Variants in TRIM3 observed in about 807,000 individuals in gnomAD.
TRIM3 encodes the protein tripartite motif-containing protein 3.
In TRIM3, 13 loss-of-function variants were observed where a neutral mutation model predicts 66.6. The ratio of observed to expected loss-of-function variants is 0.20; its 90% CI spans 0.13 to 0.31. The LOEUF (loss-of-function observed/expected upper bound fraction) is 0.31. Among genes scored for constraint, TRIM3 ranks in the 10% least tolerant of loss-of-function variants. The pLI is 1.00. For synonymous variants in TRIM3, 406 were observed against 411.7 expected, an observed-to-expected ratio of 0.99 and a Z score of 0.17; for missense variants, 711 against 1,020.4, an observed-to-expected ratio of 0.70 and a Z score of 4.13.
At chr11:6,467,897 T>C (rs1184420751) in intron 1 of TRIM3, among the ~76,000 whole-genome samples, 1 of 152,202 alleles carries the variant, frequency 6.6e-6, no homozygotes, top group Non-Finnish European at 1.5e-5. Context: ...CAGAGTGGAA[T>C]CAGAGAAAAC....
At chr11:6,470,815 T>C (rs1850659846) in intron 1 of TRIM3, among the ~76,000 whole-genome samples, 1 of 151,920 alleles carries the variant, frequency 6.6e-6, no homozygotes, top group East Asian at 1.9e-4. Flanking sequence ...ATTTAAGAGA[T>C]AGGCCCAGGA....
chr11:6,462,259 A>G (rs908505861), intron 2 of TRIM3, among the ~76,000 whole-genome samples: 1 of 152,178 alleles, frequency 6.6e-6, no homozygotes, highest in Non-Finnish European at 1.5e-5. Flanking sequence ...GCTTACTGTC[A>G]GTCACTGCCC....
Position 6,450,277 on chromosome 11 carries a change from T to G in TRIM3, c.1941+274A>C, listed in dbSNP as rs924006389. 1.0e-5 allele frequency: 5 copies of G among 483,564 alleles called. No individual in the cohort carries two copies. The highest frequency in any genetic ancestry group is 1.9e-5 in the Non-Finnish European group (5 of 269,728). The allele number at this position is 483,564 out of a possible 1,614,324, so 30.0% of individuals were successfully genotyped here. A position where few individuals can be genotyped will look rare whatever the true frequency, so the allele number is the denominator to read the frequency against. Reference sequence around the variant, plus strand: ...TTCCCTGCACCTTCCTATCACAGAATCTATTACATCATATTGTAATTTTTT... The same window carrying G: ...TTCCCTGCACCTTCCTATCACAGAAGCTATTACATCATATTGTAATTTTTT... On this transcript the variant is annotated intron_variant, in intron 10 of 11. Coordinates refer to ENST00000345851, the MANE Select transcript of TRIM3 (RefSeq NM_033278.4). The surrounding 1 kb of genome is among the most constrained non-coding windows in gnomAD (Gnocchi z 4.8).
At chr11:6,470,791 C>A (rs1481082303) in intron 1 of TRIM3, among the ~76,000 whole-genome samples, 1 of 152,096 alleles carries the variant, frequency 6.6e-6, no homozygotes, top group East Asian at 1.9e-4. Context: ...CACCAAGTCC[C>A]AAGGAACCTC....
chr11:6,448,843 A>G lies in TRIM3; in HGVS notation c.*185T>C. The G allele has an allele frequency of 1.4e-6, 1 of 703,148 alleles. No individual in the cohort carries two copies. Among genetic ancestry groups the G allele is most frequent in the Non-Finnish European group, 2.4e-6 (1 of 416,366 alleles). 43.6% of individuals were successfully genotyped at this position (703,148 alleles called of 1,614,324 possible). On this transcript the variant is annotated 3_prime_UTR_variant, in exon 12 of 12. Coordinates refer to ENST00000345851, the MANE Select transcript of TRIM3 (RefSeq NM_033278.4). ...ACAGTCCAGGCTCACCCAGTCACCA[A>G]AGCAAGAACCGAATAAATAAAGTGC... is the stretch of plus-strand genomic sequence containing the variant.
chr11:6,457,389 G>A lies in TRIM3; in HGVS notation c.603C>T (p.Ile201=), dbSNP rs16913748. The change falls in exon 5 of 12, where the codon ATC becomes ATT. Residue 201 remains isoleucine, a synonymous_variant. Transcript: ENST00000345851. The surrounding 1 kb of genome is among the most constrained non-coding windows in gnomAD (Gnocchi z 4.5). Reference sequence around the variant, plus strand: ...GCTCCAGGTCCTCGAACGCTGCACTGATCTGGGCCAGGGCCTCTGCCTTGC... The same window carrying A: ...GCTCCAGGTCCTCGAACGCTGCACTAATCTGGGCCAGGGCCTCTGCCTTGC... ...QERKAEALAQ[I]SAAFEDLEQA... 311,659 of 1,613,888 alleles carry A rather than the reference G, an allele frequency of 0.19. 31,799 individuals carry two copies. The highest frequency in any genetic ancestry group is 0.28 in the African/African-American group (21,017 of 74,994).
In TRIM3 at chr11:6,456,472, G is replaced by C. The variant is rs1255737827; in HGVS notation, c.1254C>G (p.Ala418=). The C allele has an allele frequency of 6.5e-7, 1 of 1,548,944 alleles. No individual in the cohort carries two copies. The highest frequency in any genetic ancestry group is 8.7e-7 in the Non-Finnish European group (1 of 1,144,176). Residue 418 remains alanine (A), a synonymous_variant, in exon 6 of 12, where the codon GCC becomes GCG. Transcript: ENST00000345851. The surrounding 1 kb of genome is among the most constrained non-coding windows in gnomAD (Gnocchi z 6.4). ...PVRGSPFRVR[A]LRPGDLPPSP... ...AAGGTGGCAGGTCCCCCGGACGCAG[G>C]GCACGCACGCGGAAGGGGCTGCCGC...
chr11:6,457,011 C>T lies in TRIM3; in HGVS notation c.715G>A (p.Asp239Asn). The T allele has an allele frequency of 1.3e-6, 2 of 1,590,736 alleles. 1 individual carries two copies. Among genetic ancestry groups the T allele is most frequent in the South Asian group, 2.2e-5 (2 of 90,626 alleles). Residue 239 changes from aspartate to asparagine, a missense_variant, in exon 6 of 12, where the codon GAC becomes AAC. This residue lies in a region of TRIM3 where 399 missense variants were observed against 458.1 expected (regional missense o/e 0.87). Coordinates refer to ENST00000345851, the MANE Select transcript of TRIM3 (RefSeq NM_033278.4). The surrounding 1 kb of genome is among the most constrained non-coding windows in gnomAD (Gnocchi z 4.5). ...AKQKVLQSQLDTLRQGQEHIG... is the reference protein window; with the variant it reads ...AKQKVLQSQLNTLRQGQEHIG... ...TGTTCCTGACCCTGGCGCAGTGTGT[C>T]CAGCTGGCTTTGCAACACCTGATGA...
chr11:6,450,813 G>C lies in TRIM3; in HGVS notation c.1870+79C>G. On this transcript the variant is annotated intron_variant, in intron 9 of 11. Coordinates refer to ENST00000345851, the MANE Select transcript of TRIM3 (RefSeq NM_033278.4). The surrounding 1 kb of genome is among the most constrained non-coding windows in gnomAD (Gnocchi z 4.8). ...CCAGAGCCAAGATATAGGAGGAGAG[G>C]GCCTTTACAGCTGGGGTATCTAGGG... 6.4e-7 allele frequency: 1 copy of C among 1,564,620 alleles called. No homozygotes were observed. The highest frequency in any genetic ancestry group is 1.2e-5 in the South Asian group (1 of 86,756).
At position 6,448,706 on chromosome 11, in the gene TRIM3, T is replaced by C; in HGVS notation, c.*322A>G. On this transcript the variant is annotated 3_prime_UTR_variant, in exon 12 of 12. Transcript: ENST00000345851. ...GTAGGGAGACAACTAGAGGGACTCC[T>C]GTCCTGGGGTAGGCTGTTCTGGCCC... 1 of 602,336 alleles carries C rather than the reference T, an allele frequency of 1.7e-6. No individual in the cohort carries two copies. The highest frequency in any genetic ancestry group is 2.8e-5 in the East Asian group (1 of 36,102). 37.3% of individuals were successfully genotyped at this position (602,336 alleles called of 1,614,324 possible). A position where few individuals can be genotyped will look rare whatever the true frequency, so the allele number is the denominator to read the frequency against.
chr11:6,451,785 CA>C, intron 7 of TRIM3: 1 of 281,148 alleles, frequency 3.6e-6, no homozygotes, highest in Admixed American at 5.0e-5. Context: ...GTAAAAGGCA[CA>C]AAGTCCAGTA....
chr11:6,464,161 A>G (rs1850351288), intron 2 of TRIM3, among the ~76,000 whole-genome samples: 2 of 152,216 alleles, frequency 1.3e-5, no homozygotes, highest in Admixed American at 6.5e-5. Context: ...CTCTCAGGGT[A>G]AAGGTGAAAT....
chr11:6,465,421 G>T (rs577846077), intron 2 of TRIM3, 144 bp downstream of exon 2: 30 of 955,796 alleles, frequency 3.1e-5, no homozygotes, highest in Non-Finnish European at 4.8e-6. Flanking sequence ...TGCAGGTTGG[G>T]GTTCACCTGC....
rs774961980 is a variant in TRIM3 at position 6,449,598 on chromosome 11, C to A, written c.1942-152G>T. On this transcript the variant is annotated intron_variant, in intron 10 of 11. Transcript: ENST00000345851. This position sits in a 1 kb window ranked among gnomAD's most constrained non-coding sequence, Gnocchi z 5.3. The stretch of plus-strand genomic sequence containing the variant: ...GCTTCATAGGCTTCACATCCATGTG[C>A]CCTACTGCCTAGTAGACATCTCTTG... 6 of 652,112 alleles carry A rather than the reference C, an allele frequency of 9.2e-6. No individual in the cohort carries two copies. Among genetic ancestry groups the A allele is most frequent in the Non-Finnish European group, 1.3e-5 (5 of 383,964 alleles). 40.4% of individuals were successfully genotyped at this position (652,112 alleles called of 1,614,324 possible). A position where few individuals can be genotyped will look rare whatever the true frequency, so the allele number is the denominator to read the frequency against.
intron 7 of TRIM3, among the ~76,000 whole-genome samples, chr11:6,455,677 G>A (rs111998176): frequency 1.3e-3 from 196 of 152,260 alleles, no homozygotes; most frequent in African/African-American, 4.5e-3. Flanking sequence ...ACATTCAGGA[G>A]CCAGGCATGC....
In TRIM3 at chr11:6,449,191, A is replaced by G; in HGVS notation, c.2083-11T>C. The G allele has an allele frequency of 6.2e-7, 1 of 1,613,536 alleles. No homozygotes were observed. The highest frequency in any genetic ancestry group is 8.5e-7 in the Non-Finnish European group (1 of 1,179,480). On this transcript the variant is annotated splice_polypyrimidine_tract_variant and intron_variant, in intron 11 of 11. Transcript: ENST00000345851. The surrounding 1 kb of genome is among the most constrained non-coding windows in gnomAD (Gnocchi z 5.3). The stretch of plus-strand genomic sequence containing the variant: ...AGAGCTGTCGAATACCTGGGGAAGG[A>G]GTGCAGAAAGGAGGGAGAGGCAAGA...
At chr11:6,472,702 G>A (rs1235977631) in intron 1 of TRIM3, among the ~76,000 whole-genome samples, 1 of 152,220 alleles carries the variant, frequency 6.6e-6, no homozygotes, top group Non-Finnish European at 1.5e-5. Context: ...TCATCAGAGA[G>A]AGATGCAAAA....
At chr11:6,465,535 C>T (rs1179803597) in intron 2 of TRIM3, 30 bp downstream of exon 2, 1 of 1,613,426 alleles carries the variant, frequency 6.2e-7, no homozygotes, top group Non-Finnish European at 8.5e-7. Context: ...ACAGGGTCCT[C>T]ATCCCTCCCC....
At position 6,449,561 on chromosome 11, in the gene TRIM3, C is replaced by G; in HGVS notation, c.1942-115G>C. 1 of 993,340 alleles carries G rather than the reference C, an allele frequency of 1.0e-6. No homozygotes were observed. The highest frequency in any genetic ancestry group is 2.6e-5 in the East Asian group (1 of 38,090). The allele number at this position is 993,340 out of a possible 1,614,324, so 61.5% of individuals were successfully genotyped here. On this transcript the variant is annotated intron_variant, in intron 10 of 11. Transcript: ENST00000345851. The surrounding 1 kb of genome is among the most constrained non-coding windows in gnomAD (Gnocchi z 5.3). The stretch of plus-strand genomic sequence containing the variant: ...GAACCCCCACCCAGATCTACAGCTA[C>G]AGCCCAAATCTGCTTCATAGGCTTC...
Sources: gnomAD v4.1 joint callset for allele counts (sites outside exome capture counted in the v4.1 genomes callset) on GRCh38, gnomAD v4.1.1 for gene constraint, gnomAD v4.1.1 regional missense constraint, Gnocchi (gnomAD v3.1) non-coding constraint, MANE v1.5 for transcripts, NCBI Gene and HGNC (gene_info 2026-07-23, HGNC 2026-07-21) for gene names.